Variants in CSMD3 observed in about 807,000 individuals in gnomAD.
CSMD3 encodes the protein CUB and Sushi multiple domains 3, also known as CUB and sushi domain-containing protein 3.
In CSMD3, 177 loss-of-function variants were observed where a neutral mutation model predicts 435.2. That is an observed-to-expected ratio of 0.41 (90% CI 0.36 to 0.46). CSMD3 has a LOEUF of 0.46. CSMD3 is among the 20% of genes least tolerant of loss of function. The pLI is 0.34. For missense variants in CSMD3, 4,265 were observed against 4,504.6 expected (o/e 0.95, Z 1.52); for synonymous variants, 1,656 against 1,520.5 (o/e 1.09, Z -2.07).
intron 3 of CSMD3, among the ~76,000 whole-genome samples, chr8:113,234,005 G>A (rs1421387495): frequency 1.3e-5 from 2 of 152,026 alleles, no homozygotes; most frequent in Non-Finnish European, 2.9e-5. Flanking sequence ...AAGGGAACCT[G>A]ATACCTTTAT....
At chr8:113,189,805 A>G (rs1054394829) in intron 3 of CSMD3, among the ~76,000 whole-genome samples, 1 of 151,830 alleles carries the variant, frequency 6.6e-6, no homozygotes, top group Non-Finnish European at 1.5e-5. Flanking sequence ...AGCAAGTCAC[A>G]TGAACTCACA....
intron 10 of CSMD3, among the ~76,000 whole-genome samples, chr8:112,912,175 G>C (rs1274960783): frequency 1.3e-5 from 2 of 150,532 alleles, no homozygotes; most frequent in African/African-American, 2.4e-5. Flanking sequence ...TGACACTTAG[G>C]TTGATTACAT....
At chr8:112,571,480 C>G (rs964717316) in intron 24 of CSMD3, among the ~76,000 whole-genome samples, 1 of 152,028 alleles carries the variant, frequency 6.6e-6, no homozygotes, top group Non-Finnish European at 1.5e-5. Context: ...ACAATGGCTA[C>G]TATTTTGCAT....
At chr8:112,318,688 T>G in intron 47 of CSMD3, 149 bp downstream of exon 47, 2 of 619,522 alleles carry the variant, frequency 3.2e-6, no homozygotes, top group Non-Finnish European at 5.7e-6. Flanking sequence ...TATTTCTAAA[T>G]GAAATAGCAC....
intron 3 of CSMD3, among the ~76,000 whole-genome samples, chr8:113,258,559 C>T (rs1014813237): frequency 3.3e-5 from 5 of 152,112 alleles, no homozygotes; most frequent in African/African-American, 1.2e-4. Context: ...ATATTTGTCC[C>T]ATCTTTCTTC....
chr8:112,469,160 C>CAAAAAAAAA (rs71309771), intron 32 of CSMD3, among the ~76,000 whole-genome samples: 1 of 91,642 alleles, frequency 1.1e-5, no homozygotes, highest in African/African-American at 4.3e-5. Flanking sequence ...CTACACCAGG[C>CAAAAAAAAA]AAAAAAAAAA....
chr8:112,831,454 A>T lies in CSMD3; in HGVS notation c.1756-1665T>A, dbSNP rs140072294. On this transcript the variant is annotated intron_variant, in intron 11 of 70. Coordinates refer to ENST00000297405, the MANE Select transcript of CSMD3 (RefSeq NM_198123.2). ...AATAACAGCAAAAATTCATTTTATA[A>T]CCTAGTACCATATGGTTTTCCAAAA... Among the ~76,000 whole-genome samples the T allele has an allele frequency of 5.5e-4, 83 of 152,016 alleles. 2 individuals are homozygous for T. In the East Asian group the frequency reaches 0.013, roughly 24 times the overall value.
chr8:112,302,974 T>C (rs4876464), intron 52 of CSMD3, among the ~76,000 whole-genome samples: 148,444 of 151,926 alleles, frequency 0.98, 72,564 homozygotes, highest in East Asian at 1. Context: ...ATTCCTAAAT[T>C]CCTTGCCATT....
intron 36 of CSMD3, among the ~76,000 whole-genome samples, chr8:112,389,985 A>T (rs1036714158): frequency 6.6e-6 from 1 of 152,290 alleles, no homozygotes; most frequent in African/African-American, 2.4e-5. Context: ...CCTTGCTAAC[A>T]CAGATCTGGC....
At chr8:113,273,761 A>G (rs2093548314) in intron 3 of CSMD3, among the ~76,000 whole-genome samples, 1 of 152,170 alleles carries the variant, frequency 6.6e-6, no homozygotes, top group Admixed American at 6.6e-5. Flanking sequence ...GTTTTCTGAT[A>G]TCTGACAGAA....
At position 113,108,073 on chromosome 8, in the gene CSMD3, T is replaced by A. The variant is rs75389160; in HGVS notation, c.710-9110A>T. 3.3e-3 allele frequency among the ~76,000 whole-genome samples: 502 copies of A among 152,226 alleles called. 3 individuals are homozygous for A. The highest frequency in any genetic ancestry group is 0.01 in the African/African-American group (432 of 41,540). On this transcript the variant is annotated intron_variant, in intron 4 of 70. Coordinates refer to ENST00000297405, the MANE Select transcript of CSMD3 (RefSeq NM_198123.2). ...GTTCAAAAACATAGGAATAGTATGT[T>A]AAATGGAGCAAAAAGTCAAAACAAA...
intron 22 of CSMD3, among the ~76,000 whole-genome samples, chr8:112,605,981 C>A (rs1252072947): frequency 6.6e-6 from 1 of 152,114 alleles, no homozygotes; most frequent in Admixed American, 6.6e-5. Context: ...TAAAGCAACA[C>A]TAGCTAATTA....
chr8:112,674,607 A>T (rs979994098), intron 16 of CSMD3, among the ~76,000 whole-genome samples: 1 of 152,168 alleles, frequency 6.6e-6, no homozygotes, highest in Non-Finnish European at 1.5e-5. Flanking sequence ...TTTGATGCAC[A>T]GGAAACTTAC....
chr8:113,369,652 C>G (rs951769604), intron 1 of CSMD3, among the ~76,000 whole-genome samples: 5 of 151,824 alleles, frequency 3.3e-5, no homozygotes, highest in Admixed American at 2.6e-4. Flanking sequence ...ATGGAATCAA[C>G]CTAAGTGTCC....
chr8:112,924,236 A>G (rs2082838929), intron 9 of CSMD3, among the ~76,000 whole-genome samples: 1 of 152,136 alleles, frequency 6.6e-6, no homozygotes, highest in Non-Finnish European at 1.5e-5. Context: ...CCAAAGATAG[A>G]AGCAAAGAGT....
At chr8:112,539,104 C>T (rs1424551948) in intron 27 of CSMD3, 1 of 154,622 alleles carries the variant, frequency 6.5e-6, no homozygotes, top group Non-Finnish European at 1.4e-5. Flanking sequence ...AAGCAAAATT[C>T]ATCATCCTTT....
intron 4 of CSMD3, among the ~76,000 whole-genome samples, chr8:113,119,453 A>C (rs1404312623): frequency 1.3e-5 from 2 of 152,300 alleles, no homozygotes; most frequent in Admixed American, 6.5e-5. Context: ...GTTTCAAAAA[A>C]AGCCATCTAA....
Position 112,433,654 on chromosome 8 carries a change from CAAAAAAAAA to C in CSMD3, c.5396-24631_5396-24623del, listed in dbSNP as rs35572894. Among the ~76,000 whole-genome samples the C allele has an allele frequency of 6.4e-5, 6 of 93,212 alleles. 1 individual carries two copies. The East Asian group carries it at 1.3e-3, about 20-fold the overall frequency. The allele number at this position is 93,212 out of a possible 152,430, so 61.2% of individuals were successfully genotyped here. ...CCTAAGCAACACTGAGAGAACCTGT[CAAAAAAAAA>C]AAAAAAAAAGAAAGAAAGAAAGAAA... On this transcript the variant is annotated intron_variant, in intron 32 of 70. Transcript: ENST00000297405.
chr8:112,597,323 G>A (rs1273816555), intron 22 of CSMD3, among the ~76,000 whole-genome samples: 1 of 151,878 alleles, frequency 6.6e-6, no homozygotes, highest in African/African-American at 2.4e-5. Context: ...CCAGGAAGAA[G>A]TTGAATCTCT....
Sources: allele counts gnomAD v4.1 joint callset (sites outside exome capture counted in the v4.1 genomes callset), GRCh38; gene constraint gnomAD v4.1.1; transcripts MANE v1.5; gene names NCBI Gene and HGNC (gene_info 2026-07-23, HGNC 2026-07-21).